The following TRAPPC14 variants were observed in gnomAD, a reference collection of about 807,000 sequenced individuals.
The protein encoded by TRAPPC14 is microtubule associated protein 11.
Under a neutral mutation model 56.6 loss-of-function variants are expected in TRAPPC14, and 24 were observed. The ratio of observed to expected loss-of-function variants is 0.42; its 90% CI spans 0.31 to 0.60. The LOEUF (loss-of-function observed/expected upper bound fraction) is 0.60, where lower values mean the gene tolerates loss of function less well. Among genes scored for constraint, TRAPPC14 ranks in the 20% least tolerant of loss-of-function variants. The probability of loss-of-function intolerance (pLI) is 0.14; values close to 1 mark genes in which losing one functional copy is unlikely to be tolerated. For synonymous variants in TRAPPC14, 377 were observed against 347.0 expected (o/e 1.09, Z -0.96); for missense variants, 615 against 790.3 (o/e 0.78, Z 2.66).
Position 100,157,720 on chromosome 7 carries a change from C to T in TRAPPC14, c.550G>A (p.Val184Ile), listed in dbSNP as rs117793118. The T allele has an allele frequency of 4.7e-3, 7,610 of 1,614,222 alleles. 32 individuals carry two copies. Among genetic ancestry groups the T allele is most frequent in the South Asian group, 7.2e-3 (657 of 91,086 alleles). The change falls in exon 3 of 11, where the codon GTC (valine) becomes ATC (isoleucine). Residue 184 changes from valine (V) to isoleucine (I), a missense_variant. By Grantham distance (29) the Val-to-Ile change is conservative. Transcript: ENST00000316937. ...AATCGCAGGTAGCCTTGATCTCTGACCTCTGGTGCCTCAATCTCCCGCTTC... is the reference window on the plus strand; with the variant it reads ...AATCGCAGGTAGCCTTGATCTCTGATCTCTGGTGCCTCAATCTCCCGCTTC... ...VWKREIEAPE[V>I]RDQGYLRLLQ...
chr7:100,156,921 G>C lies in TRAPPC14; in HGVS notation c.917C>G (p.Pro306Arg), dbSNP rs372475866. ...GTTGTGTTCCTCCAGGGCATTCAGCGGGCAGGGGAAGCAGCCAGAGGTCCC... is the reference window on the plus strand; with the variant it reads ...GTTGTGTTCCTCCAGGGCATTCAGCCGGCAGGGGAAGCAGCCAGAGGTCCC... The part of the protein sequence containing the change: ...LPGTSGCFPC[P>R]LNALEEHNFL... The change falls in exon 6 of 11, where the codon CCG (proline) becomes CGG (arginine). Residue 306 changes from proline (P) to arginine (R), a missense_variant. Transcript: ENST00000316937. 40 of 1,613,964 alleles carry C rather than the reference G, an allele frequency of 2.5e-5. No homozygotes were observed. The highest frequency in any genetic ancestry group is 3.1e-5 in the Non-Finnish European group (37 of 1,180,038).
At chr7:100,156,740 G>A in intron 6 of TRAPPC14, 24 bp from the exon 7 acceptor site, 1 of 1,604,630 alleles carries the variant, frequency 6.2e-7, no homozygotes, top group South Asian at 1.1e-5. Flanking sequence ...AAAGGGGGTT[G>A]GCACAGGTAT....
Position 100,156,465 on chromosome 7 carries a change from A to G in TRAPPC14, c.1161T>C (p.Thr387=), listed in dbSNP as rs748454418. The change falls in exon 8 of 11, where the codon ACT becomes ACC. Residue 387 remains threonine (T), a synonymous_variant. Coordinates refer to ENST00000316937, the MANE Select transcript of TRAPPC14 (RefSeq NM_018275.5). The part of the protein sequence containing the change: ...KSPVRTYERF[T]VTYTLLNNLQ... ...GATTGTTAAGCAGCGTGTAGGTGAC[A>G]GTGAAACGCTCGTAGGTCCGAACAG... is the stretch of plus-strand genomic sequence containing the variant. 3 of 1,614,156 alleles carry G rather than the reference A, an allele frequency of 1.9e-6. No homozygotes were observed. Among genetic ancestry groups the G allele is most frequent in the Non-Finnish European group, 2.5e-6 (3 of 1,180,024 alleles).
chr7:100,154,933 G>A lies in TRAPPC14; in HGVS notation c.*78C>T, dbSNP rs1033267888. The A allele has an allele frequency of 2.0e-5, 29 of 1,462,226 alleles. No homozygotes were observed. The African/African-American group carries it at 2.5e-4, about 13-fold the overall frequency. The allele number at this position is 1,462,226 out of a possible 1,614,324, so 90.6% of individuals were successfully genotyped here. A position where few individuals can be genotyped will look rare whatever the true frequency, so the allele number is the denominator to read the frequency against. On this transcript the variant is annotated 3_prime_UTR_variant, in exon 11 of 11. Transcript: ENST00000316937. The stretch of plus-strand genomic sequence containing the variant: ...CCCGTCTGGGAGGCATCCCAGGGGA[G>A]GCACAGCCCGGGAGCAGGGATCCCC...
rs1798899029 is a variant in TRAPPC14, at chr7:100,157,183, G to A, written c.756C>T (p.Ser252=). The part of the protein sequence containing the change: ...VLNSSSQEEI[S]IWDIRILPNF... The stretch of plus-strand genomic sequence containing the variant: ...TGGGGAGGATTCGGATATCCCAGAT[G>A]GAGATTTCCTCCTGAGAGGAGCTGT... Residue 252 remains serine, a synonymous_variant, in exon 5 of 11, where the codon TCC becomes TCT. Transcript: ENST00000316937. 1 of 1,614,192 alleles carries A rather than the reference G, an allele frequency of 6.2e-7. No homozygotes were observed. The highest frequency in any genetic ancestry group is 8.5e-7 in the Non-Finnish European group (1 of 1,180,038).
rs772910094 is a variant in TRAPPC14, at chr7:100,157,123, A to G, written c.816T>C (p.Asp272=). Residue 272 remains aspartate, a synonymous_variant, in exon 5 of 11, where the codon GAT becomes GAC. Coordinates refer to ENST00000316937, the MANE Select transcript of TRAPPC14 (RefSeq NM_018275.5). ...CATTGTCCACCAGCAGCACAGAGCC[A>G]TCGGGCATGACAGGTAGATAACTGG... is the stretch of plus-strand genomic sequence containing the variant. ...FNASYLPVMP[D]GSVLLVDNVC... is the part of the protein sequence containing the mutation. 1.4e-5 allele frequency: 22 copies of G among 1,614,208 alleles called. No individual in the cohort carries two copies. Among genetic ancestry groups the G allele is most frequent in the Non-Finnish European group, 1.8e-5 (21 of 1,180,046 alleles).
At position 100,158,101 on chromosome 7, in the gene TRAPPC14, C is replaced by A; in HGVS notation, c.399G>T (p.Gly133=). The change falls in exon 1 of 11, where the codon GGG becomes GGT. Residue 133 remains glycine, a synonymous_variant. Coordinates refer to ENST00000316937, the MANE Select transcript of TRAPPC14 (RefSeq NM_018275.5). ...LTHGPGPATS[G]GATTLPVEEP... ...CAAAGCTCCTCACCGTGGTCGCTCCCCCTGAGGTAGCAGGGCCCGGGCCGT... is the reference window on the plus strand; with the variant it reads ...CAAAGCTCCTCACCGTGGTCGCTCCACCTGAGGTAGCAGGGCCCGGGCCGT... 2.7e-6 allele frequency: 4 copies of A among 1,498,858 alleles called. No homozygotes were observed. The highest frequency in any genetic ancestry group is 2.7e-6 in the Non-Finnish European group (3 of 1,126,762). The allele number at this position is 1,498,858 out of a possible 1,614,324, so 92.8% of individuals were successfully genotyped here. A position where few individuals can be genotyped will look rare whatever the true frequency, so the allele number is the denominator to read the frequency against.
Position 100,156,721 on chromosome 7 carries a change from A to C in TRAPPC14, c.994-5T>G. ...AATCAGGGGAACTTCCAGGCCCTGC[A>C]GGAGGGACAAAGGGGGTTGGCACAG... On this transcript the variant is annotated splice_polypyrimidine_tract_variant and splice_region_variant and intron_variant, in intron 6 of 10. Coordinates refer to ENST00000316937, the MANE Select transcript of TRAPPC14 (RefSeq NM_018275.5). 6.2e-7 allele frequency: 1 copy of C among 1,609,062 alleles called. No homozygotes were observed. Among genetic ancestry groups the C allele is most frequent in the Non-Finnish European group, 8.5e-7 (1 of 1,177,392 alleles).
rs755943140 is a variant in TRAPPC14 at position 100,157,989 on chromosome 7, G to A, written c.412-51C>T. On this transcript the variant is annotated intron_variant, in intron 1 of 10. Coordinates refer to ENST00000316937, the MANE Select transcript of TRAPPC14 (RefSeq NM_018275.5). Reference sequence around the variant, plus strand: ...GTCAGGAGCAAGTCAGAGGCAGCCTGCAGCCTTTCCCTTTAAGACCGGCAG... The same window carrying A: ...GTCAGGAGCAAGTCAGAGGCAGCCTACAGCCTTTCCCTTTAAGACCGGCAG... The A allele has an allele frequency of 1.4e-6, 2 of 1,480,540 alleles. 1 individual carries two copies. The highest frequency in any genetic ancestry group is 2.7e-5 in the South Asian group (2 of 73,142). 91.7% of individuals were successfully genotyped at this position (1,480,540 alleles called of 1,614,324 possible). A position where few individuals can be genotyped will look rare whatever the true frequency, so the allele number is the denominator to read the frequency against.
At chr7:100,156,236 C>T in intron 8 of TRAPPC14, 150 bp downstream of exon 8, 1 of 720,784 alleles carries the variant, frequency 1.4e-6, no homozygotes, top group East Asian at 2.7e-5. Context: ...GGGAGACCAC[C>T]CAGGTACAGG....
At chr7:100,156,359 C>T (rs1477941339) in intron 8 of TRAPPC14, 27 bp downstream of exon 8, 9 of 1,610,606 alleles carry the variant, frequency 5.6e-6, no homozygotes, top group Non-Finnish European at 7.6e-6. Flanking sequence ...CCCTGGGGAC[C>T]AAATTCCTAC....
chr7:100,158,125 G>A lies in TRAPPC14; in HGVS notation c.375C>T (p.His125=). 6.7e-7 allele frequency: 1 copy of A among 1,497,190 alleles called. No individual in the cohort carries two copies. Among genetic ancestry groups the A allele is most frequent in the South Asian group, 1.3e-5 (1 of 78,282 alleles). 92.7% of individuals were successfully genotyped at this position (1,497,190 alleles called of 1,614,324 possible). A position where few individuals can be genotyped will look rare whatever the true frequency, so the allele number is the denominator to read the frequency against. The change falls in exon 1 of 11, where the codon CAC becomes CAT. Residue 125 remains histidine, a synonymous_variant. Transcript: ENST00000316937. ...LFRGCSPLLT[H]GPGPATSGGA... ...CCCCTGAGGTAGCAGGGCCCGGGCC[G>A]TGGGTGAGAAGGGGGCTGCAGCCTC...
At position 100,155,107 on chromosome 7, in the gene TRAPPC14, G is replaced by A; in HGVS notation, c.1647C>T (p.Gly549=). Residue 549 remains glycine, a synonymous_variant, in exon 11 of 11, where the codon GGC becomes GGT. Transcript: ENST00000316937. ...AITPPVASPV[G]RPLYLPPDKA... is the part of the protein sequence containing the mutation. ...TGTCCGGGGGCAGGTAGAGGGGGCGGCCAACAGGAGAGGCCACAGGGGGCG... is the reference window on the plus strand; with the variant it reads ...TGTCCGGGGGCAGGTAGAGGGGGCGACCAACAGGAGAGGCCACAGGGGGCG... The A allele has an allele frequency of 6.2e-7, 1 of 1,613,706 alleles. No individual in the cohort carries two copies.
intron 9 of TRAPPC14, 46 bp downstream of exon 9, chr7:100,155,625 G>C (rs2116958230): frequency 6.5e-6 from 10 of 1,542,340 alleles, no homozygotes; most frequent in Non-Finnish European, 8.7e-6. Flanking sequence ...GTCCACCCCA[G>C]CATTCTGCAT....
Position 100,154,663 on chromosome 7 carries a change from A to C in TRAPPC14, c.*348T>G. ...CTGCGGGAGGGAGGGAGGGAATGTC[A>C]GAGGTGGGAAAGAACTCAACGGGAA... On this transcript the variant is annotated 3_prime_UTR_variant, in exon 11 of 11. Coordinates refer to ENST00000316937, the MANE Select transcript of TRAPPC14 (RefSeq NM_018275.5). 3.0e-6 allele frequency: 1 copy of C among 329,896 alleles called. No homozygotes were observed. The highest frequency in any genetic ancestry group is 8.4e-5 in the East Asian group (1 of 11,896). The allele number at this position is 329,896 out of a possible 1,614,324, so 20.4% of individuals were successfully genotyped here.
intron 8 of TRAPPC14, chr7:100,156,049 T>A: frequency 1.4e-6 from 1 of 712,298 alleles, no homozygotes; most frequent in South Asian, 1.5e-5. Flanking sequence ...CAGATATGAG[T>A]TGCTCTATTT....
Position 100,157,823 on chromosome 7 carries a change from T to C in TRAPPC14, c.507+20A>G, listed in dbSNP as rs2116962852. On this transcript the variant is annotated intron_variant, in intron 2 of 10. Transcript: ENST00000316937. The stretch of plus-strand genomic sequence containing the variant: ...AAGGTGTCTGAATTAGGACAATAGC[T>C]CCACTCTTGCTCATCTTACCTTGGC... 1 of 1,612,162 alleles carries C rather than the reference T, an allele frequency of 6.2e-7. No individual in the cohort carries two copies. Among genetic ancestry groups the C allele is most frequent in the East Asian group, 2.2e-5 (1 of 44,850 alleles).
chr7:100,157,149 C>A lies in TRAPPC14; in HGVS notation c.790G>T (p.Ala264Ser). The A allele has an allele frequency of 6.2e-7, 1 of 1,614,164 alleles. No individual in the cohort carries two copies. The highest frequency in any genetic ancestry group is 8.5e-7 in the Non-Finnish European group (1 of 1,180,032). The part of the protein sequence containing the change: ...WDIRILPNFN[A>S]SYLPVMPDGS... Reference sequence around the variant, plus strand: ...TCGGGCATGACAGGTAGATAACTGGCGTTGAAGTTGGGGAGGATTCGGATA... The same window carrying A: ...TCGGGCATGACAGGTAGATAACTGGAGTTGAAGTTGGGGAGGATTCGGATA... The change falls in exon 5 of 11, where the codon GCC becomes TCC. Residue 264 changes from alanine to serine, a missense_variant. Physicochemically the swap from Ala to Ser is moderately conservative, Grantham distance 99 (BLOSUM62 1). Coordinates refer to ENST00000316937, the MANE Select transcript of TRAPPC14 (RefSeq NM_018275.5).
At position 100,155,261 on chromosome 7, in the gene TRAPPC14, C is replaced by A; in HGVS notation, c.1589+1G>T. 6.3e-7 allele frequency: 1 copy of A among 1,574,888 alleles called. No homozygotes were observed. The highest frequency in any genetic ancestry group is 8.6e-7 in the Non-Finnish European group (1 of 1,160,814). On this transcript the variant is annotated splice_donor_variant, in intron 10 of 10. Coordinates refer to ENST00000316937, the MANE Select transcript of TRAPPC14 (RefSeq NM_018275.5). LOFTEE classifies it high-confidence loss of function. Reference sequence around the variant, plus strand: ...CCATGCCACGCCCCCTGGTTCTGTACCTCATGAGGTGGCTTCGGGAAGGCT... The same window carrying A: ...CCATGCCACGCCCCCTGGTTCTGTAACTCATGAGGTGGCTTCGGGAAGGCT...
Sources: gnomAD v4.1 joint callset for allele counts on GRCh38, gnomAD v4.1.1 for gene constraint, MANE v1.5 for transcripts, NCBI Gene and HGNC (gene_info 2026-07-23, HGNC 2026-07-21) for gene names.